CLIC2: variants seen among roughly 807,000 people sequenced by gnomAD.
CLIC2 encodes the protein chloride intracellular channel protein 2.
Under a neutral mutation model 14.8 loss-of-function variants are expected in CLIC2, and 9 were observed. The observed-to-expected ratio is 0.61, with a 90% CI of 0.37 to 1.06. The LOEUF (loss-of-function observed/expected upper bound fraction) is 1.06. CLIC2 is among the 50% of genes least tolerant of loss of function. The probability of loss-of-function intolerance (pLI) is 0.01; values close to 1 mark genes in which losing one functional copy is unlikely to be tolerated. For synonymous variants in CLIC2, 61 were observed against 66.3 expected (o/e 0.92, Z 0.39); for missense variants, 148 against 181.4 (o/e 0.82, Z 1.06).
In CLIC2 at chrX:155,278,998, C is replaced by T. The variant is rs1016526221; in HGVS notation, c.582+151G>A. 1.2e-5 allele frequency: 6 copies of T among 514,573 alleles called. No homozygotes were observed. In the Admixed American group the frequency reaches 1.4e-4, roughly 12 times the overall value. The allele number at this position is 514,573 out of a possible 1,213,427, so 42.4% of individuals were successfully genotyped here. On this transcript the variant is annotated intron_variant, in intron 5 of 5. Coordinates refer to ENST00000369449, the MANE Select transcript of CLIC2 (RefSeq NM_001289.6). ...GAAGAGAACATTATGGATCTTCCCT[C>T]TAAAGAGAAAAGAGATGTATATAGT...
chrX:155,280,990 G>GATAGATATATATATATATATATATAT (rs1557316383), intron 3 of CLIC2, among the ~76,000 whole-genome samples: 3 of 89,918 alleles, frequency 3.3e-5, no homozygotes, highest in African/African-American at 1.2e-4. Flanking sequence ...GAAATTGTGA[G>GATAGATATATATATATATATATATAT]ATATATATAT....
At chrX:155,288,919 C>T (rs1377445679) in intron 3 of CLIC2, among the ~76,000 whole-genome samples, 1 of 110,624 alleles carries the variant, frequency 9.0e-6, no homozygotes. Context: ...GCAAGGCGGG[C>T]GGGTCACCTG....
intron 3 of CLIC2, among the ~76,000 whole-genome samples, chrX:155,284,857 T>C (rs1256023617): frequency 1.8e-5 from 2 of 112,182 alleles, no homozygotes; most frequent in Non-Finnish European, 3.8e-5. Context: ...TTTAAGACTA[T>C]TGATGGGCTG....
intron 1 of CLIC2, among the ~76,000 whole-genome samples, chrX:155,316,124 A>G (rs2075094297): frequency 9.0e-6 from 1 of 111,686 alleles, no homozygotes; most frequent in South Asian, 3.7e-4. Context: ...AACAATTACT[A>G]CTAGACCTAA....
chrX:155,319,458 G>A (rs781819994), intron 1 of CLIC2, among the ~76,000 whole-genome samples: 6 of 111,945 alleles, frequency 5.4e-5, no homozygotes, highest in East Asian at 2.8e-4. Context: ...ACAAGGGGTC[G>A]GGGAACTCCC....
At chrX:155,315,588 A>T (rs1176138110) in intron 1 of CLIC2, among the ~76,000 whole-genome samples, 1 of 111,944 alleles carries the variant, frequency 8.9e-6, no homozygotes, top group Non-Finnish European at 1.9e-5. Flanking sequence ...CAAGCTGGCA[A>T]TACAAGAACT....
intron 3 of CLIC2, 41 bp downstream of exon 3, chrX:155,298,744 T>C (rs1373290677): frequency 1.0e-5 from 12 of 1,198,603 alleles, no homozygotes; most frequent in Admixed American, 4.4e-5. Context: ...GCCAGTAAAA[T>C]AGATTATCTT....
chrX:155,320,052 G>T (rs781836948), intron 1 of CLIC2, among the ~76,000 whole-genome samples: 1 of 112,447 alleles, frequency 8.9e-6, no homozygotes, highest in African/African-American at 3.2e-5. Flanking sequence ...AAAGGCAGCA[G>T]CCCCAGTCAG....
chrX:155,289,092 G>A (rs1315353503), intron 3 of CLIC2, among the ~76,000 whole-genome samples: 2 of 109,471 alleles, frequency 1.8e-5, no homozygotes, highest in Non-Finnish European at 3.8e-5. Context: ...TGCAGTGAGC[G>A]GAGATCGTGC....
At chrX:155,298,296 C>T (rs1557318579) in intron 3 of CLIC2, among the ~76,000 whole-genome samples, 1 of 112,193 alleles carries the variant, frequency 8.9e-6, no homozygotes, top group Non-Finnish European at 1.9e-5. Context: ...CAGCATGCTT[C>T]TTGTTTCTAG....
At chrX:155,288,943 A>G (rs2074952708) in intron 3 of CLIC2, among the ~76,000 whole-genome samples, 1 of 110,607 alleles carries the variant, frequency 9.0e-6, no homozygotes. Flanking sequence ...TCGGGAGTTC[A>G]CAACCAGCCT....
intron 3 of CLIC2, chrX:155,292,891 G>A: frequency 1.0e-6 from 1 of 997,430 alleles, no homozygotes; most frequent in Non-Finnish European, 1.4e-6. Flanking sequence ...CGTTATCCAG[G>A]TGCCTCAAGG....
intron 1 of CLIC2, among the ~76,000 whole-genome samples, chrX:155,321,626 A>C (rs1161858806): frequency 5.0e-5 from 5 of 99,343 alleles, no homozygotes; most frequent in Non-Finnish European, 1.0e-4. Context: ...AATTGTAAAG[A>C]CCATCGACAC....
rs1312667842 is a variant in CLIC2 at position 155,334,567 on chromosome X, C to G, written c.-140G>C. The G allele has an allele frequency of 5.6e-6, 3 of 534,695 alleles. No homozygotes were observed. In the African/African-American group the frequency reaches 6.9e-5, roughly 12 times the overall value. 44.1% of individuals were successfully genotyped at this position (534,695 alleles called of 1,213,427 possible). On this transcript the variant is annotated 5_prime_UTR_variant, in exon 1 of 6. Coordinates refer to ENST00000369449, the MANE Select transcript of CLIC2 (RefSeq NM_001289.6). Reference sequence around the variant, plus strand: ...CCGTCTAGCTTGTAGTGGACTGAGTCAGACCTGGAGCCAGTCTCTTCTCTC... The same window carrying G: ...CCGTCTAGCTTGTAGTGGACTGAGTGAGACCTGGAGCCAGTCTCTTCTCTC...
chrX:155,293,457 T>C, intron 3 of CLIC2: 1 of 573,533 alleles, frequency 1.7e-6, no homozygotes, highest in Non-Finnish European at 3.1e-6. Flanking sequence ...ACTCAAATAT[T>C]ACCACTACAC....
In CLIC2 at chrX:155,279,814, C is replaced by T. The variant is rs941745431; in HGVS notation, c.400+148G>A. The stretch of plus-strand genomic sequence containing the variant: ...GTTCTAAATCTAATACAACTTCATG[C>T]GAGGGAATTTCAGAGGAGAGTATAG... On this transcript the variant is annotated intron_variant, in intron 4 of 5. Transcript: ENST00000369449. The T allele has an allele frequency of 4.8e-5, 22 of 456,136 alleles. No individual in the cohort carries two copies. In the East Asian group the frequency reaches 5.4e-4, roughly 11 times the overall value. The allele number at this position is 456,136 out of a possible 1,213,427, so 37.6% of individuals were successfully genotyped here.
chrX:155,332,019 G>T lies in CLIC2; in HGVS notation c.57+2352C>A, dbSNP rs188534715. ...ACTAAAACTTAATTTTAGAGTCTTT[G>T]GTACAGAATGCAAACATTCCATTTA... On this transcript the variant is annotated intron_variant, in intron 1 of 5. Coordinates refer to ENST00000369449, the MANE Select transcript of CLIC2 (RefSeq NM_001289.6). Among the ~76,000 whole-genome samples the T allele has an allele frequency of 1.5e-4, 17 of 110,976 alleles. No individual in the cohort carries two copies. In the East Asian group the frequency reaches 4.8e-3, roughly 31 times the overall value.
chrX:155,327,653 GA>G (rs1248020652), intron 1 of CLIC2, among the ~76,000 whole-genome samples: 2 of 108,835 alleles, frequency 1.8e-5, no homozygotes, highest in African/African-American at 6.6e-5. Flanking sequence ...CATGGACTCA[GA>G]AAAAAAAATA....
At chrX:155,327,995 T>G (rs1557322499) in intron 1 of CLIC2, among the ~76,000 whole-genome samples, 1 of 111,122 alleles carries the variant, frequency 9.0e-6, no homozygotes, top group African/African-American at 3.3e-5. Flanking sequence ...AACATGGGTA[T>G]AGAGGGAACA....
Sources: gnomAD v4.1 joint callset for allele counts (sites outside exome capture counted in the v4.1 genomes callset) on GRCh38, gnomAD v4.1.1 for gene constraint, MANE v1.5 for transcripts, NCBI Gene and HGNC (gene_info 2026-07-23, HGNC 2026-07-21) for gene names.